Variants in DYM observed in about 807,000 individuals in gnomAD.
DYM encodes dymeclin, also known as dyggve-Melchior-Clausen syndrome protein.
In DYM, 78 loss-of-function variants were observed where a neutral mutation model predicts 93.1. The observed-to-expected ratio is 0.84, with a 90% confidence interval of 0.70 to 1.01. The LOEUF is 1.01. DYM is among the 50% of genes least tolerant of loss of function. The probability of loss-of-function intolerance (pLI) is 0.00; values close to 1 mark genes in which losing one functional copy is unlikely to be tolerated. For missense variants in DYM, 789 were observed against 845.0 expected, an observed-to-expected ratio of 0.93 and a Z score of 0.82; for synonymous variants, 321 against 319.7, an observed-to-expected ratio of 1.00 and a Z score of -0.04.
chr18:49,328,846 TA>T (rs2063106146), intron 8 of DYM, among the ~76,000 whole-genome samples: 1 of 152,190 alleles, frequency 6.6e-6, no homozygotes, highest in Admixed American at 6.5e-5. Flanking sequence ...GACTGTAAAC[TA>T]GTTCAACCAT....
At chr18:49,262,194 T>C (rs936862749) in intron 11 of DYM, among the ~76,000 whole-genome samples, 2 of 152,058 alleles carry the variant, frequency 1.3e-5, no homozygotes, top group Non-Finnish European at 2.9e-5. Flanking sequence ...AAGGATGTGA[T>C]GACAGTAGCA....
chr18:49,212,885 T>G (rs2092850448), intron 13 of DYM, among the ~76,000 whole-genome samples: 1 of 152,184 alleles, frequency 6.6e-6, no homozygotes, highest in Admixed American at 6.5e-5. Context: ...GATTCAAACC[T>G]AGAGCCCTAA....
At chr18:49,363,013 T>TAGAG (rs1198171450) in intron 6 of DYM, 148 bp downstream of exon 6, 84 of 675,258 alleles carry the variant, frequency 1.2e-4, no homozygotes, top group Admixed American at 2.9e-4. Flanking sequence ...AAATATTAGG[T>TAGAG]AGAGAGAAAA....
At chr18:49,215,011 T>C (rs1313557878) in intron 13 of DYM, among the ~76,000 whole-genome samples, 1 of 152,138 alleles carries the variant, frequency 6.6e-6, no homozygotes, top group Non-Finnish European at 1.5e-5. Flanking sequence ...TTACTATACA[T>C]CTTTAAGGGA....
intron 15 of DYM, among the ~76,000 whole-genome samples, chr18:49,146,908 AC>A (rs1568493582): frequency 6.6e-6 from 1 of 152,206 alleles, no homozygotes; most frequent in Admixed American, 6.5e-5. Context: ...AGCCAAAAGA[AC>A]AAAGCTGGAG....
At chr18:49,373,968 A>G (rs2147586090) in intron 5 of DYM, among the ~76,000 whole-genome samples, 1 of 152,326 alleles carries the variant, frequency 6.6e-6, no homozygotes, top group Admixed American at 6.5e-5. Flanking sequence ...CACAATTCTA[A>G]TTAAAAGCTC....
intron 14 of DYM, among the ~76,000 whole-genome samples, chr18:49,203,576 CAT>C (rs1234084653): frequency 7.0e-6 from 1 of 143,606 alleles, no homozygotes; most frequent in Non-Finnish European, 1.5e-5. Context: ...CTCTCTGAAA[CAT>C]GTGCTGTGTC....
intron 8 of DYM, among the ~76,000 whole-genome samples, chr18:49,309,763 G>C (rs780508052): frequency 3.3e-5 from 5 of 152,128 alleles, no homozygotes; most frequent in Non-Finnish European, 7.4e-5. Flanking sequence ...ATGACAATTA[G>C]GAAAAAATGA....
intron 12 of DYM, 98 bp from the exon 13 acceptor site, chr18:49,257,202 A>T: frequency 1.1e-6 from 1 of 931,570 alleles, no homozygotes; most frequent in South Asian, 1.4e-5. Flanking sequence ...CTCAGTTGTC[A>T]CTGATTTTAG....
chr18:49,205,993 T>TTTTTGTTTTGTTTTG (rs2092461442), intron 14 of DYM: 1 of 117,482 alleles, frequency 8.5e-6, no homozygotes, highest in Non-Finnish European at 1.8e-5. Flanking sequence ...TAAGGTAGAG[T>TTTTTGTTTTGTTTTG]TTTTTTTTTG....
chr18:49,073,237 A>C (rs148827403), intron 17 of DYM, among the ~76,000 whole-genome samples: 4 of 152,372 alleles, frequency 2.6e-5, no homozygotes, highest in African/African-American at 7.2e-5. Flanking sequence ...ATGTTTAAGT[A>C]AACTAAAAGG....
At chr18:49,050,677 A>C (rs1420718987) in intron 17 of DYM, among the ~76,000 whole-genome samples, 3 of 152,028 alleles carry the variant, frequency 2.0e-5, no homozygotes, top group Non-Finnish European at 4.4e-5. Context: ...CTCTGACTAG[A>C]GCTGCCATGT....
chr18:49,052,954 C>T (rs1018407770), intron 17 of DYM, among the ~76,000 whole-genome samples: 1 of 152,314 alleles, frequency 6.6e-6, no homozygotes, highest in South Asian at 2.1e-4. Context: ...CTGGCTTTCA[C>T]GCTTCTCTTT....
chr18:49,059,967 A>T (rs1292797746), intron 17 of DYM, among the ~76,000 whole-genome samples: 5 of 152,230 alleles, frequency 3.3e-5, no homozygotes, highest in East Asian at 1.9e-4. Context: ...AAAACCCAAT[A>T]TGAGAATAAA....
At chr18:49,120,147 G>T (rs1377637576) in intron 15 of DYM, among the ~76,000 whole-genome samples, 1 of 150,696 alleles carries the variant, frequency 6.6e-6, no homozygotes, top group African/African-American at 2.4e-5. Flanking sequence ...ATCAAAATGG[G>T]ATTCTAAAAA....
intron 6 of DYM, among the ~76,000 whole-genome samples, chr18:49,338,582 A>G (rs1220560767): frequency 1.3e-5 from 2 of 152,238 alleles, no homozygotes; most frequent in Non-Finnish European, 2.9e-5. Flanking sequence ...AAGGACCCCA[A>G]TTGATAATTC....
chr18:49,150,287 G>T (rs187817993), intron 15 of DYM, among the ~76,000 whole-genome samples: 10 of 152,322 alleles, frequency 6.6e-5, no homozygotes, highest in Admixed American at 5.2e-4. Flanking sequence ...GACTGAATGT[G>T]TTCCCACTCA....
chr18:49,283,504 T>C (rs1379464125), intron 9 of DYM, among the ~76,000 whole-genome samples: 1 of 152,112 alleles, frequency 6.6e-6, no homozygotes, highest in Admixed American at 6.6e-5. Context: ...GTTCTTGATA[T>C]TCCAATCTGA....
At chr18:49,408,095 C>A in intron 2 of DYM, among the ~76,000 whole-genome samples, 1 of 150,000 alleles carries the variant, frequency 6.7e-6, no homozygotes. Flanking sequence ...CCATAAAAAG[C>A]TATACAAACA....
Sources: allele counts gnomAD v4.1 joint callset (sites outside exome capture counted in the v4.1 genomes callset), GRCh38; gene constraint gnomAD v4.1.1; transcripts MANE v1.5; gene names NCBI Gene and HGNC (gene_info 2026-07-23, HGNC 2026-07-21).